The following SLC24A2 variants were observed in gnomAD, a reference collection of about 807,000 sequenced individuals.
SLC24A2 encodes the protein solute carrier family 24 member 2.
In SLC24A2, 36 loss-of-function variants were observed where a neutral mutation model predicts 62.0. The observed-to-expected ratio is 0.58, with a 90% confidence interval of 0.44 to 0.77. The LOEUF is 0.77. SLC24A2 is among the 30% of genes least tolerant of loss of function. The pLI, the probability that SLC24A2 is intolerant of heterozygous loss-of-function variation, is 0.00. For synonymous variants in SLC24A2, 358 were observed against 294.0 expected (o/e 1.22, Z -2.23); for missense variants, 846 against 817.9 (o/e 1.03, Z -0.42).
the SLC24A2 span, among the ~76,000 whole-genome samples, chr9:20,181,485 A>G: frequency 1.3e-5 from 2 of 152,202 alleles, no homozygotes; most frequent in Non-Finnish European, 2.9e-5. Flanking sequence ...AACACCACAC[A>G]TCTACAACCA....
the SLC24A2 span, among the ~76,000 whole-genome samples, chr9:20,300,827 C>A: frequency 4.6e-5 from 7 of 152,196 alleles, no homozygotes. Context: ...TTGTTCTAAG[C>A]AGCTCTATGT....
intron 8 of SLC24A2, among the ~76,000 whole-genome samples, chr9:19,531,911 G>A (rs981111423): frequency 6.6e-6 from 1 of 151,980 alleles, no homozygotes; most frequent in Admixed American, 6.6e-5. Context: ...AAAGTACCTC[G>A]CACATAAGTG....
the SLC24A2 span, among the ~76,000 whole-genome samples, chr9:20,174,869 G>T: frequency 6.6e-6 from 1 of 151,976 alleles, no homozygotes; most frequent in East Asian, 1.9e-4. Context: ...TAGAGGAAAA[G>T]AAGTCATTGT....
chr9:19,767,463 G>T (rs138667020), intron 2 of SLC24A2, among the ~76,000 whole-genome samples: 1 of 152,228 alleles, frequency 6.6e-6, no homozygotes, highest in South Asian at 2.1e-4. Flanking sequence ...TGGTCTGCGG[G>T]TTGTGAAGAC....
chr9:20,295,053 T>TAC, the SLC24A2 span, among the ~76,000 whole-genome samples: 4,124 of 144,378 alleles, frequency 0.029, 85 homozygotes, highest in South Asian at 0.081. Flanking sequence ...TATATATATA[T>TAC]ACACACACAC....
At chr9:20,091,667 G>C in the SLC24A2 span, among the ~76,000 whole-genome samples, 1 of 152,176 alleles carries the variant, frequency 6.6e-6, no homozygotes, top group Admixed American at 6.5e-5. Flanking sequence ...TGTTGAGGGA[G>C]TCTGTTACCA....
intron 8 of SLC24A2, among the ~76,000 whole-genome samples, chr9:19,533,898 C>T (rs1367477809): frequency 6.6e-6 from 1 of 152,226 alleles, no homozygotes; most frequent in Admixed American, 6.5e-5. Flanking sequence ...TTTCATTTGG[C>T]ATATTGTATA....
chr9:19,662,991 A>G (rs1819146822), intron 2 of SLC24A2, among the ~76,000 whole-genome samples: 1 of 152,240 alleles, frequency 6.6e-6, no homozygotes, highest in Non-Finnish European at 1.5e-5. Context: ...TATGCTAAAC[A>G]AAACGTCAGT....
chr9:20,112,111 A>T, the SLC24A2 span, among the ~76,000 whole-genome samples: 1 of 152,194 alleles, frequency 6.6e-6, no homozygotes, highest in Non-Finnish European at 1.5e-5. Context: ...TGGTAATTGG[A>T]GCCTCATTTG....
At chr9:19,711,343 T>C (rs1197206624) in intron 2 of SLC24A2, among the ~76,000 whole-genome samples, 1 of 152,196 alleles carries the variant, frequency 6.6e-6, no homozygotes, top group Non-Finnish European at 1.5e-5. Context: ...ATATAGTAAA[T>C]ACAGAAAGAT....
chr9:20,114,647 A>C, the SLC24A2 span, among the ~76,000 whole-genome samples: 2 of 152,166 alleles, frequency 1.3e-5, no homozygotes, highest in African/African-American at 2.4e-5. Context: ...TTATTCATTC[A>C]TTCATAAATA....
At chr9:19,804,610 C>T in the SLC24A2 span, among the ~76,000 whole-genome samples, 2 of 151,958 alleles carry the variant, frequency 1.3e-5, no homozygotes, top group African/African-American at 4.8e-5. Context: ...TTAATTCTTC[C>T]TTTGTAATGA....
the SLC24A2 span, among the ~76,000 whole-genome samples, chr9:19,795,465 T>TG: frequency 6.6e-6 from 1 of 152,210 alleles, no homozygotes; most frequent in East Asian, 1.9e-4. Flanking sequence ...ACCCCTCAAA[T>TG]ACTCCACATT....
At chr9:20,039,133 G>A in the SLC24A2 span, among the ~76,000 whole-genome samples, 1 of 152,234 alleles carries the variant, frequency 6.6e-6, no homozygotes, top group South Asian at 2.1e-4. Flanking sequence ...GAGGCGGCAT[G>A]GTGTGGTGGA....
the SLC24A2 span, among the ~76,000 whole-genome samples, chr9:20,045,586 C>T: frequency 1.3e-5 from 2 of 152,052 alleles, no homozygotes; most frequent in Admixed American, 6.6e-5. Context: ...CGCCCGCTAC[C>T]ACGCCAGGCT....
chr9:19,983,525 C>G, the SLC24A2 span, among the ~76,000 whole-genome samples: 4 of 152,248 alleles, frequency 2.6e-5, no homozygotes, highest in East Asian at 7.7e-4. Flanking sequence ...CACCTGTAGT[C>G]CCAGCTGCTC....
At position 19,508,359 on chromosome 9, in the gene SLC24A2, G is replaced by C. The variant is rs1436730031; in HGVS notation, c.*7794C>G. The stretch of plus-strand genomic sequence containing the variant: ...CTTGGTTCAGATACCCTTTCTTTAG[G>C]GCAATTTGGCCACTTAAGCATAAAA... On this transcript the variant is annotated 3_prime_UTR_variant, in exon 11 of 11. Transcript: ENST00000341998. The C allele has an allele frequency of 6.6e-6, 1 of 152,026 alleles. No individual in the cohort carries two copies. Among genetic ancestry groups the C allele is most frequent in the Admixed American group, 6.6e-5 (1 of 15,262 alleles). 9.4% of individuals were successfully genotyped at this position (152,026 alleles called of 1,614,324 possible).
the SLC24A2 span, among the ~76,000 whole-genome samples, chr9:20,010,255 C>G: frequency 6.6e-6 from 1 of 152,172 alleles, no homozygotes; most frequent in Non-Finnish European, 1.5e-5. Flanking sequence ...AAAGGTGTTT[C>G]ACCACCAAAG....
chr9:20,284,935 T>C, the SLC24A2 span, among the ~76,000 whole-genome samples: 2 of 152,240 alleles, frequency 1.3e-5, no homozygotes, highest in Admixed American at 6.5e-5. Context: ...TACAATGATA[T>C]TGTTTGAGAA....
Sources: gnomAD v4.1 joint callset for allele counts (sites outside exome capture counted in the v4.1 genomes callset) on GRCh38, gnomAD v4.1.1 for gene constraint, MANE v1.5 for transcripts, NCBI Gene and HGNC (gene_info 2026-07-23, HGNC 2026-07-21) for gene names.